LINGO2: variants seen among roughly 807,000 people sequenced by gnomAD.
LINGO2 encodes the protein leucine-rich repeat and immunoglobulin-like domain-containing nogo receptor-interacting protein 2.
Under a neutral mutation model 30.6 loss-of-function variants are expected in LINGO2, and 14 were observed. The ratio of observed to expected loss-of-function variants is 0.46; its 90% CI spans 0.30 to 0.72. The LOEUF is 0.72. Ranked by LOEUF, LINGO2 falls within the 30% of genes least tolerant of loss-of-function variation. The probability of loss-of-function intolerance (pLI) is 0.07; values close to 1 mark genes in which losing one functional copy is unlikely to be tolerated. For missense variants in LINGO2, 729 were observed against 751.7 expected, an observed-to-expected ratio of 0.97 and a Z score of 0.35; for synonymous variants, 317 against 288.5, an observed-to-expected ratio of 1.10 and a Z score of -1.00.
chr9:28,363,961 G>C (rs1418947814), intron 3 of LINGO2, among the ~76,000 whole-genome samples: 1 of 146,300 alleles, frequency 6.8e-6, no homozygotes, highest in Non-Finnish European at 1.5e-5. Context: ...TGTTGTAATT[G>C]CATTAATTAG....
At chr9:28,481,312 T>C (rs1452147659) in intron 1 of LINGO2, among the ~76,000 whole-genome samples, 2 of 152,206 alleles carry the variant, frequency 1.3e-5, no homozygotes, top group East Asian at 1.9e-4. Context: ...GGAGATGTTA[T>C]GGCTACTCTA....
chr9:29,054,133 T>C, the LINGO2 span, among the ~76,000 whole-genome samples: 1 of 152,130 alleles, frequency 6.6e-6, no homozygotes. Context: ...AGCTAAAAAT[T>C]TGTTAACATG....
chr9:28,192,053 A>G (rs1587186694), intron 4 of LINGO2, among the ~76,000 whole-genome samples: 1 of 152,082 alleles, frequency 6.6e-6, no homozygotes, highest in Non-Finnish European at 1.5e-5. Context: ...ATATCTAAAT[A>G]TGTACATTTC....
chr9:28,296,433 G>C (rs72617318), intron 3 of LINGO2, among the ~76,000 whole-genome samples: 8,550 of 152,132 alleles, frequency 0.056, 308 homozygotes, highest in East Asian at 0.19. Flanking sequence ...AAGTCTGTAG[G>C]GGGACTTGTG....
At chr9:28,199,344 C>CTTCTTCTTCTTCT (rs74180792) in intron 4 of LINGO2, among the ~76,000 whole-genome samples, 4 of 117,678 alleles carry the variant, frequency 3.4e-5, no homozygotes, top group South Asian at 2.5e-4. Flanking sequence ...TCTTCTTCTT[C>CTTCTTCTTCTTCT]TTTTTTTTTT....
At chr9:27,951,533 C>T (rs1819310696) in intron 5 of LINGO2, among the ~76,000 whole-genome samples, 1 of 152,118 alleles carries the variant, frequency 6.6e-6, no homozygotes. Context: ...AACTATCCCT[C>T]TTTCACATTC....
At chr9:29,211,025 C>A in the LINGO2 span, among the ~76,000 whole-genome samples, 6 of 152,210 alleles carry the variant, frequency 3.9e-5, no homozygotes, top group African/African-American at 1.4e-4. Flanking sequence ...CCAATATTTT[C>A]ACCAATGATG....
intron 4 of LINGO2, among the ~76,000 whole-genome samples, chr9:28,036,766 G>C (rs527839328): frequency 6.6e-6 from 1 of 152,054 alleles, no homozygotes; most frequent in South Asian, 2.1e-4. Flanking sequence ...ACACGTGTAA[G>C]ATAAGAGACA....
chr9:29,153,844 A>C, the LINGO2 span, among the ~76,000 whole-genome samples: 2 of 152,210 alleles, frequency 1.3e-5, no homozygotes, highest in Admixed American at 1.3e-4. Context: ...ATACAGATCA[A>C]CGCCCATGTA....
chr9:28,905,170 C>A, the LINGO2 span, among the ~76,000 whole-genome samples: 2 of 151,210 alleles, frequency 1.3e-5, no homozygotes, highest in African/African-American at 4.9e-5. Context: ...AAATATAAAA[C>A]TGTTAGAAGA....
intron 4 of LINGO2, among the ~76,000 whole-genome samples, chr9:28,237,200 G>A (rs1376596003): frequency 6.6e-6 from 1 of 151,394 alleles, no homozygotes; most frequent in Non-Finnish European, 1.5e-5. Flanking sequence ...TCAGTGCTAA[G>A]CTGTCATCTG....
chr9:28,476,482 A>G (rs180901284), intron 1 of LINGO2, among the ~76,000 whole-genome samples: 9,517 of 151,990 alleles, frequency 0.063, 331 homozygotes, highest in Middle Eastern at 0.17. Context: ...TCACCGTGTT[A>G]GCCAGGATGG....
At chr9:28,890,335 T>A in the LINGO2 span, among the ~76,000 whole-genome samples, 1 of 152,102 alleles carries the variant, frequency 6.6e-6, no homozygotes, top group African/African-American at 2.4e-5. Context: ...TATCTCCATA[T>A]AATTAGGTTG....
intron 1 of LINGO2, among the ~76,000 whole-genome samples, chr9:28,590,094 C>G (rs1371645745): frequency 1.3e-5 from 2 of 152,080 alleles, no homozygotes; most frequent in East Asian, 3.9e-4. Flanking sequence ...GGAAAACTGG[C>G]TAGCCATATG....
the LINGO2 span, among the ~76,000 whole-genome samples, chr9:28,820,330 G>T: frequency 1.3e-5 from 2 of 151,520 alleles, no homozygotes; most frequent in South Asian, 4.2e-4. Context: ...AGACCCTTTA[G>T]AGAATTTTCA....
chr9:28,531,786 A>T (rs1821245915), intron 1 of LINGO2, among the ~76,000 whole-genome samples: 4 of 152,116 alleles, frequency 2.6e-5, no homozygotes, highest in Admixed American at 1.3e-4. Flanking sequence ...GGCCAGTATA[A>T]GGGAAATTTA....
At chr9:28,024,269 G>A (rs1031986900) in intron 4 of LINGO2, among the ~76,000 whole-genome samples, 1 of 152,150 alleles carries the variant, frequency 6.6e-6, no homozygotes, top group Non-Finnish European at 1.5e-5. Context: ...TGCTCTACAA[G>A]GACAACCAGG....
At chr9:28,622,396 ATTGT>A (rs1338326989) in intron 1 of LINGO2, among the ~76,000 whole-genome samples, 1 of 151,858 alleles carries the variant, frequency 6.6e-6, no homozygotes, top group African/African-American at 2.4e-5. Flanking sequence ...TAATATTAAA[ATTGT>A]TTGTTTTATT....
At chr9:28,221,093 A>G (rs564598159) in intron 4 of LINGO2, among the ~76,000 whole-genome samples, 70 of 152,096 alleles carry the variant, frequency 4.6e-4, no homozygotes, top group African/African-American at 1.5e-3. Flanking sequence ...AGGTCAGGAG[A>G]TCGAAACCAT....
Sources: gnomAD v4.1 joint callset for allele counts (sites outside exome capture counted in the v4.1 genomes callset) on GRCh38, gnomAD v4.1.1 for gene constraint, MANE v1.5 for transcripts, NCBI Gene and HGNC (gene_info 2026-07-23, HGNC 2026-07-21) for gene names.